Variants in ZNF431 observed in about 807,000 individuals in gnomAD.
ZNF431 encodes zinc finger protein 431.
ZNF431 carries 34 observed loss-of-function variants against 57.0 expected under a neutral mutation model. That is an observed-to-expected ratio of 0.60 (90% CI 0.45 to 0.79). ZNF431 has a LOEUF of 0.79. ZNF431 is among the 30% of genes least tolerant of loss of function. The pLI is 0.00. For synonymous variants in ZNF431, 207 were observed against 220.3 expected, an observed-to-expected ratio of 0.94 and a Z score of 0.54; for missense variants, 607 against 667.1, an observed-to-expected ratio of 0.91 and a Z score of 0.99.
Position 21,174,145 on chromosome 19 carries a change from C to T in ZNF431, c.319+6479C>T, listed in dbSNP as rs187745736. ...ATTGTAAGTTTCCTGAGACCCTCAC[C>T]GGAAGCAGATGCTGTTACATCCTTC... On this transcript the variant is annotated intron_variant, in intron 4 of 4. Transcript: ENST00000311048. 1.1e-3 allele frequency among the ~76,000 whole-genome samples: 166 copies of T among 152,156 alleles called. 1 individual carries two copies. The highest frequency in any genetic ancestry group is 3.7e-3 in the African/African-American group (152 of 41,528).
At position 21,185,280 on chromosome 19, in the gene ZNF431, T is replaced by A. The variant is rs1971338505; in HGVS notation, c.*1246T>A. The A allele has an allele frequency of 6.6e-6, 1 of 152,190 alleles. No homozygotes were observed. 9.4% of individuals were successfully genotyped at this position (152,190 alleles called of 1,614,324 possible). On this transcript the variant is annotated 3_prime_UTR_variant, in exon 5 of 5. Coordinates refer to ENST00000311048, the MANE Select transcript of ZNF431 (RefSeq NM_133473.4). ...GAGGATCAGAAGGTTTTTTGCAGAGTTATAATTACATTCAAAGTATACTTT... is the reference window on the plus strand; with the variant it reads ...GAGGATCAGAAGGTTTTTTGCAGAGATATAATTACATTCAAAGTATACTTT...
At chr19:21,143,873 C>T (rs1970009227) in intron 2 of ZNF431, among the ~76,000 whole-genome samples, 1 of 151,116 alleles carries the variant, frequency 6.6e-6, no homozygotes, top group African/African-American at 2.4e-5. Context: ...CCCAAAAGAC[C>T]AGAAAAAAAC....
At position 21,147,340 on chromosome 19, in the gene ZNF431, A is replaced by G. The variant is rs78998718; in HGVS notation, c.96+3697A>G. 5.5e-3 allele frequency among the ~76,000 whole-genome samples: 836 copies of G among 152,160 alleles called. 10 individuals are homozygous for G. The highest frequency in any genetic ancestry group is 0.014 in the South Asian group (69 of 4,814). ...TGTCTCTACTAAAAATACAAAAAAA[A>G]TAGCTGGATGTGCTGGTGGACGCCT... On this transcript the variant is annotated intron_variant, in intron 2 of 4. Transcript: ENST00000311048.
At chr19:21,171,521 C>CA (rs1970889320) in intron 4 of ZNF431, among the ~76,000 whole-genome samples, 1 of 151,812 alleles carries the variant, frequency 6.6e-6, no homozygotes, top group Non-Finnish European at 1.5e-5. Context: ...ATACGTCTAT[C>CA]ACGATCAGAT....
chr19:21,153,319 T>C (rs149827110), intron 2 of ZNF431, among the ~76,000 whole-genome samples: 1 of 152,312 alleles, frequency 6.6e-6, no homozygotes, highest in East Asian at 1.9e-4. Flanking sequence ...CATCTGGGAA[T>C]TCAGCCCAGT....
chr19:21,166,187 T>C, intron 2 of ZNF431, 148 bp from the exon 3 acceptor site: 1 of 1,270,530 alleles, frequency 7.9e-7, no homozygotes, highest in Non-Finnish European at 1.1e-6. Flanking sequence ...AAAATATTTC[T>C]GTGTTAAAAA....
At chr19:21,177,539 C>T (rs1971093091) in intron 4 of ZNF431, among the ~76,000 whole-genome samples, 1 of 152,156 alleles carries the variant, frequency 6.6e-6, no homozygotes, top group African/African-American at 2.4e-5. Context: ...GTAATCTCAG[C>T]ATTTTGGGAG....
intron 4 of ZNF431, among the ~76,000 whole-genome samples, chr19:21,170,656 CT>C (rs112003777): frequency 0.013 from 1,943 of 147,830 alleles, 39 homozygotes; most frequent in South Asian, 0.049. Flanking sequence ...CTTTTCTTTT[CT>C]TTTTTTTTTC....
At chr19:21,178,941 G>T (rs1012062216) in intron 4 of ZNF431, among the ~76,000 whole-genome samples, 1 of 152,058 alleles carries the variant, frequency 6.6e-6, no homozygotes, top group African/African-American at 2.4e-5. Flanking sequence ...CGTTTCAGAA[G>T]AAATGGTACC....
chr19:21,147,853 A>G (rs560145892), intron 2 of ZNF431, among the ~76,000 whole-genome samples: 26 of 152,286 alleles, frequency 1.7e-4, no homozygotes, highest in African/African-American at 6.0e-4. Context: ...TAACATATTT[A>G]CACAAATATA....
At position 21,154,071 on chromosome 19, in the gene ZNF431, C is replaced by T. The variant is rs1374115292; in HGVS notation, c.96+10428C>T. 7.2e-5 allele frequency among the ~76,000 whole-genome samples: 11 copies of T among 152,196 alleles called. No individual in the cohort carries two copies. In the East Asian group the frequency reaches 1.5e-3, roughly 21 times the overall value. Reference sequence around the variant, plus strand: ...TAAGTTTTATGGTACATGTGCACAACGTGCAGGTTAGTTATATAGTATACA... The same window carrying T: ...TAAGTTTTATGGTACATGTGCACAATGTGCAGGTTAGTTATATAGTATACA... On this transcript the variant is annotated intron_variant, in intron 2 of 4. Coordinates refer to ENST00000311048, the MANE Select transcript of ZNF431 (RefSeq NM_133473.4).
At chr19:21,161,790 A>G (rs2144977383) in intron 2 of ZNF431, among the ~76,000 whole-genome samples, 1 of 152,060 alleles carries the variant, frequency 6.6e-6, no homozygotes, top group Admixed American at 6.5e-5. Context: ...AGTAGCTGGG[A>G]TTACAGGCTT....
rs1971587569 is a variant in ZNF431 at position 21,195,390 on chromosome 19, T to C, written c.*11356T>C. 6.6e-6 allele frequency: 1 copy of C among 152,222 alleles called. No homozygotes were observed. Among genetic ancestry groups the C allele is most frequent in the African/African-American group, 2.4e-5 (1 of 41,456 alleles). 9.4% of individuals were successfully genotyped at this position (152,222 alleles called of 1,614,324 possible). ...TCTAACTACCATTAAAAGGAACTTCTAAAGCTCCGAAGTGGTCAACAGTTT... is the reference window on the plus strand; with the variant it reads ...TCTAACTACCATTAAAAGGAACTTCCAAAGCTCCGAAGTGGTCAACAGTTT... On this transcript the variant is annotated 3_prime_UTR_variant, in exon 5 of 5. Coordinates refer to ENST00000311048, the MANE Select transcript of ZNF431 (RefSeq NM_133473.4).
intron 2 of ZNF431, chr19:21,162,609 T>C (rs1282670834): frequency 1.9e-6 from 1 of 533,554 alleles, no homozygotes; most frequent in Non-Finnish European, 2.4e-6. Context: ...CCGACCAGAT[T>C]CACCCTTTTT....
intron 2 of ZNF431, among the ~76,000 whole-genome samples, chr19:21,151,628 A>G (rs758028640): frequency 2.6e-5 from 4 of 152,146 alleles, no homozygotes; most frequent in Non-Finnish European, 4.4e-5. Flanking sequence ...AAATACTGTC[A>G]TGTGGTCACA....
chr19:21,183,719 T>C lies in ZNF431; in HGVS notation c.1416T>C (p.Thr472=). ...GKAFSQSSIL[T]THKRIHTGEK... Reference sequence around the variant, plus strand: ...CTTTTAGCCAGTCATCAATCCTTACTACACATAAGAGAATTCACACTGGAG... The same window carrying C: ...CTTTTAGCCAGTCATCAATCCTTACCACACATAAGAGAATTCACACTGGAG... Residue 472 remains threonine (T), a synonymous_variant, in exon 5 of 5, where the codon ACT becomes ACC. Coordinates refer to ENST00000311048, the MANE Select transcript of ZNF431 (RefSeq NM_133473.4). The C allele has an allele frequency of 1.2e-6, 2 of 1,613,864 alleles. No homozygotes were observed. The highest frequency in any genetic ancestry group is 1.7e-6 in the Non-Finnish European group (2 of 1,179,998).
Position 21,184,794 on chromosome 19 carries a change from G to A in ZNF431, c.*760G>A, listed in dbSNP as rs887655954. 2.6e-5 allele frequency: 4 copies of A among 152,544 alleles called. No individual in the cohort carries two copies. The allele number at this position is 152,544 out of a possible 1,614,324, so 9.4% of individuals were successfully genotyped here. A position where few individuals can be genotyped will look rare whatever the true frequency, so the allele number is the denominator to read the frequency against. ...CCTGCTTAATAAAAGCATTATAAGT[G>A]CAATTACTGTCAAAAGATCTTTCAG... On this transcript the variant is annotated 3_prime_UTR_variant, in exon 5 of 5. Coordinates refer to ENST00000311048, the MANE Select transcript of ZNF431 (RefSeq NM_133473.4).
At chr19:21,181,653 A>G (rs1244928999) in intron 4 of ZNF431, among the ~76,000 whole-genome samples, 1 of 151,510 alleles carries the variant, frequency 6.6e-6, no homozygotes, top group Non-Finnish European at 1.5e-5. Flanking sequence ...ATTTTCCTTT[A>G]CAATTTCTGT....
At chr19:21,165,603 T>TC (rs749542939) in intron 2 of ZNF431, among the ~76,000 whole-genome samples, 2 of 152,210 alleles carry the variant, frequency 1.3e-5, no homozygotes, top group Non-Finnish European at 2.9e-5. Context: ...TGACTTTTTT[T>TC]CACTATAGAG....
Sources: allele counts gnomAD v4.1 joint callset (sites outside exome capture counted in the v4.1 genomes callset), GRCh38; gene constraint gnomAD v4.1.1; transcripts MANE v1.5; gene names NCBI Gene and HGNC (gene_info 2026-07-23, HGNC 2026-07-21).